Variants in MPP7 observed in about 807,000 individuals in gnomAD.
MPP7 encodes the protein MAGUK p55 scaffold protein 7.
In MPP7, 60 loss-of-function variants were observed where a neutral mutation model predicts 76.5. The ratio of observed to expected loss-of-function variants is 0.78; its 90% confidence interval spans 0.64 to 0.97. MPP7 has a LOEUF of 0.97. MPP7 is among the 50% of genes least tolerant of loss of function. The pLI, the probability that MPP7 is intolerant of heterozygous loss-of-function variation, is 0.00. For synonymous variants in MPP7, 237 were observed against 244.5 expected (o/e 0.97, Z 0.29); for missense variants, 641 against 694.0 (o/e 0.92, Z 0.86).
At chr10:28,262,270 TA>T (rs1840012045) in intron 1 of MPP7, among the ~76,000 whole-genome samples, 1 of 61,414 alleles carries the variant, frequency 1.6e-5, no homozygotes, top group Non-Finnish European at 3.0e-5. Context: ...TATATATATA[TA>T]TATATATTTT....
chr10:28,222,497 T>A (rs1319352039), intron 2 of MPP7, among the ~76,000 whole-genome samples: 1 of 146,596 alleles, frequency 6.8e-6, no homozygotes, highest in Admixed American at 6.9e-5. Context: ...AAATTAAAAA[T>A]TAAAAAACAA....
Position 28,202,136 on chromosome 10 carries a change from A to G in MPP7, c.156+17T>C, listed in dbSNP as rs572903525. 25 of 1,524,398 alleles carry G rather than the reference A, an allele frequency of 1.6e-5. No individual in the cohort carries two copies. The African/African-American group carries it at 2.6e-4, about 16-fold the overall frequency. 94.4% of individuals were successfully genotyped at this position (1,524,398 alleles called of 1,614,324 possible). A position where few individuals can be genotyped will look rare whatever the true frequency, so the allele number is the denominator to read the frequency against. Reference sequence around the variant, plus strand: ...ATATGCTTTTCGCAAAGAGAATCTGACATCAGCATGGTTTACCTTTACCAA... The same window carrying G: ...ATATGCTTTTCGCAAAGAGAATCTGGCATCAGCATGGTTTACCTTTACCAA... On this transcript the variant is annotated intron_variant, in intron 3 of 16. Transcript: ENST00000683449.
intron 3 of MPP7, among the ~76,000 whole-genome samples, chr10:28,158,037 T>C (rs1383025119): frequency 2.0e-5 from 3 of 152,140 alleles, no homozygotes; most frequent in African/African-American, 7.2e-5. Flanking sequence ...TCACATAAAA[T>C]AGATGTTAAA....
intron 5 of MPP7, among the ~76,000 whole-genome samples, chr10:28,137,139 T>C (rs1375217005): frequency 6.6e-6 from 1 of 152,170 alleles, no homozygotes; most frequent in Admixed American, 6.5e-5. Context: ...GACAGCACAC[T>C]TCTCATCAGA....
At chr10:28,321,990 T>TGTG (rs1834373220) in intron 2 of MPP7, among the ~76,000 whole-genome samples, 3 of 145,982 alleles carry the variant, frequency 2.1e-5, no homozygotes, top group Non-Finnish European at 3.0e-5. Flanking sequence ...TGTGTGTGTG[T>TGTG]TTAGCTGTAC....
chr10:28,287,891 T>C (rs1187114309), intron 1 of MPP7, among the ~76,000 whole-genome samples: 1 of 152,160 alleles, frequency 6.6e-6, no homozygotes, highest in Non-Finnish European at 1.5e-5. Flanking sequence ...TGATATGGTT[T>C]CAGATTCCAC....
At chr10:28,117,857 T>G (rs569335339) in intron 11 of MPP7, among the ~76,000 whole-genome samples, 27 of 152,058 alleles carry the variant, frequency 1.8e-4, no homozygotes, top group Non-Finnish European at 3.2e-4. Context: ...CCAGATTTAT[T>G]TGAAAATAAA....
Position 28,184,907 on chromosome 10 carries a change from AATT to A in MPP7, c.156+17243_156+17245del, listed in dbSNP as rs1423185061. Among the ~76,000 whole-genome samples, 3 of 147,074 alleles carry A rather than the reference AATT, an allele frequency of 2.0e-5. 1 individual carries two copies. Among genetic ancestry groups the A allele is most frequent in the Middle Eastern group, 7.2e-3 (2 of 278 alleles). On this transcript the variant is annotated intron_variant, in intron 3 of 16. Transcript: ENST00000683449. ...ATGTAATATAAAATAAGTTCTTTCA[AATT>A]ATTATAAGTTATTATATTGTTATAT...
intron 1 of MPP7, among the ~76,000 whole-genome samples, chr10:28,302,057 C>T (rs1034967463): frequency 2.6e-5 from 4 of 152,058 alleles, no homozygotes; most frequent in African/African-American, 9.7e-5. Flanking sequence ...GAGAGCCCCC[C>T]CTTTTTTAAA....
chr10:28,322,002 G>C (rs1160693844), intron 2 of MPP7, among the ~76,000 whole-genome samples: 1 of 146,146 alleles, frequency 6.8e-6, no homozygotes, highest in East Asian at 2.0e-4. Flanking sequence ...TAGCTGTACA[G>C]ATACTCACAG....
intron 1 of MPP7, among the ~76,000 whole-genome samples, chr10:28,272,917 T>A (rs1207231218): frequency 6.6e-6 from 1 of 151,484 alleles, no homozygotes; most frequent in Non-Finnish European, 1.5e-5. Context: ...TTGTTTTTTT[T>A]GTTTGTTTGT....
chr10:28,178,273 C>A (rs1437577098), intron 3 of MPP7, among the ~76,000 whole-genome samples: 3 of 152,004 alleles, frequency 2.0e-5, no homozygotes, highest in African/African-American at 7.2e-5. Context: ...GAGAAGGAAT[C>A]CAACTCAGTC....
At chr10:28,147,684 C>A in intron 4 of MPP7, 121 bp from the exon 5 acceptor site, 1 of 828,062 alleles carries the variant, frequency 1.2e-6, no homozygotes, top group South Asian at 1.5e-5. Flanking sequence ...AAGGAGAGGT[C>A]AGCATAAAAG....
At chr10:28,100,429 G>A (rs988148015) in intron 11 of MPP7, among the ~76,000 whole-genome samples, 5 of 152,088 alleles carry the variant, frequency 3.3e-5, no homozygotes, top group Admixed American at 6.5e-5. Context: ...TTTAAACTGA[G>A]AAGAAATGCT....
chr10:28,169,795 C>T, intron 3 of MPP7, among the ~76,000 whole-genome samples: 1 of 152,134 alleles, frequency 6.6e-6, no homozygotes, highest in East Asian at 1.9e-4. Flanking sequence ...CAGTCAGCCA[C>T]CCAGCACTGA....
chr10:28,238,524 T>A (rs200351129), intron 2 of MPP7, 44 bp downstream of exon 2: 21 of 1,604,284 alleles, frequency 1.3e-5, no homozygotes, highest in Non-Finnish European at 1.6e-5. Flanking sequence ...GAACAAGATT[T>A]AAGCAAAGAT....
At chr10:28,082,220 T>G (rs1317179261) in intron 12 of MPP7, among the ~76,000 whole-genome samples, 1 of 152,190 alleles carries the variant, frequency 6.6e-6, no homozygotes, top group African/African-American at 2.4e-5. Flanking sequence ...TTTCCAAAAT[T>G]TGTGTCCATG....
intron 2 of MPP7, among the ~76,000 whole-genome samples, chr10:28,208,069 A>G (rs1838005901): frequency 6.6e-6 from 1 of 152,158 alleles, no homozygotes; most frequent in Non-Finnish European, 1.5e-5. Context: ...AATACCTAGG[A>G]CTGAAGGAGA....
At chr10:28,309,722 T>C (rs1020766740) in intron 2 of MPP7, among the ~76,000 whole-genome samples, 8 of 152,142 alleles carry the variant, frequency 5.3e-5, no homozygotes, top group African/African-American at 1.9e-4. Flanking sequence ...TGGGGCCTGG[T>C]GGGAGGTGTT....
Sources: gnomAD v4.1 joint callset for allele counts (sites outside exome capture counted in the v4.1 genomes callset) on GRCh38, gnomAD v4.1.1 for gene constraint, MANE v1.5 for transcripts, NCBI Gene and HGNC (gene_info 2026-07-23, HGNC 2026-07-21) for gene names.